The following GULP1 variants were observed in gnomAD, a reference collection of about 807,000 sequenced individuals.
GULP1 encodes PTB domain-containing engulfment adapter protein 1.
GULP1 carries 19 observed loss-of-function variants against 40.9 expected under a neutral mutation model. That is an observed-to-expected ratio of 0.46 (90% confidence interval 0.32 to 0.68). GULP1 has a LOEUF of 0.68. Ranked by LOEUF, GULP1 falls within the 30% of genes least tolerant of loss-of-function variation. GULP1 has a pLI of 0.03. For synonymous variants in GULP1, 119 were observed against 117.6 expected (o/e 1.01, Z -0.08); for missense variants, 312 against 362.2 (o/e 0.86, Z 1.12).
intron 2 of GULP1, among the ~76,000 whole-genome samples, chr2:188,399,701 A>C (rs2051868052): frequency 6.7e-6 from 1 of 149,284 alleles, no homozygotes; most frequent in Admixed American, 6.7e-5. Flanking sequence ...AAAAAAAAAA[A>C]AAAAAAAAAA....
At position 188,330,763 on chromosome 2, in the gene GULP1, C is replaced by T. The variant is rs779193253; in HGVS notation, c.-172+38597C>T. On this transcript the variant is annotated intron_variant, in intron 1 of 11. Transcript: ENST00000409830. ...TATAATACTGAACTTCTCTGGGCTT[C>T]GTATTCTTTGTTTGAAAATGAAAAG... 2.0e-4 allele frequency among the ~76,000 whole-genome samples: 31 copies of T among 152,074 alleles called. 1 individual carries two copies. Among genetic ancestry groups the T allele is most frequent in the Non-Finnish European group, 2.9e-5 (2 of 68,018 alleles).
At chr2:188,589,801 G>C in intron 11 of GULP1, 1 of 973,172 alleles carries the variant, frequency 1.0e-6, no homozygotes, top group Middle Eastern at 2.7e-4. Flanking sequence ...AATTTTTAAA[G>C]CTGAAACCTT....
intron 10 of GULP1, 122 bp from the exon 11 acceptor site, chr2:188,587,733 G>C (rs1362956696): frequency 6.3e-6 from 4 of 635,252 alleles, no homozygotes; most frequent in Admixed American, 2.8e-5. Context: ...TACAGTGTAA[G>C]TGTGGGTTAG....
At chr2:188,476,343 G>T (rs1404722481) in intron 2 of GULP1, among the ~76,000 whole-genome samples, 1 of 152,046 alleles carries the variant, frequency 6.6e-6, no homozygotes, top group East Asian at 1.9e-4. Context: ...TTGGTCTCTC[G>T]TGAATTTATC....
At chr2:188,335,918 G>A (rs2042194506) in intron 1 of GULP1, among the ~76,000 whole-genome samples, 1 of 152,146 alleles carries the variant, frequency 6.6e-6, no homozygotes, top group African/African-American at 2.4e-5. Context: ...TTCTGATTTA[G>A]ATTATGTTAC....
intron 2 of GULP1, among the ~76,000 whole-genome samples, chr2:188,393,354 T>C (rs1298365826): frequency 6.6e-6 from 1 of 152,108 alleles, no homozygotes. Context: ...TTATTCTTTC[T>C]GCTTTAAAGT....
At chr2:188,537,656 G>A (rs1689282357) in intron 6 of GULP1, among the ~76,000 whole-genome samples, 1 of 151,814 alleles carries the variant, frequency 6.6e-6, no homozygotes, top group Non-Finnish European at 1.5e-5. Context: ...TTTTTTCACT[G>A]TATCTTTGCA....
At chr2:188,372,394 T>C (rs1227990207) in intron 1 of GULP1, among the ~76,000 whole-genome samples, 2 of 152,112 alleles carry the variant, frequency 1.3e-5, no homozygotes, top group Non-Finnish European at 2.9e-5. Context: ...CTGTTTCTTA[T>C]GGTGAAATGT....
intron 2 of GULP1, among the ~76,000 whole-genome samples, chr2:188,394,540 T>A (rs1258704303): frequency 1.3e-5 from 2 of 152,208 alleles, no homozygotes; most frequent in Non-Finnish European, 2.9e-5. Flanking sequence ...AAATTTCATC[T>A]TGGTTTGGAC....
chr2:188,335,346 T>G (rs2042125407), intron 1 of GULP1, among the ~76,000 whole-genome samples: 1 of 152,190 alleles, frequency 6.6e-6, no homozygotes. Flanking sequence ...TTGTTGTATA[T>G]GCCATGCTTA....
chr2:188,446,817 C>G (rs2152896770), intron 2 of GULP1, among the ~76,000 whole-genome samples: 1 of 149,954 alleles, frequency 6.7e-6, no homozygotes, highest in East Asian at 2.0e-4. Context: ...AGACATTTGA[C>G]ATATTTTGGA....
chr2:188,517,459 AT>A (rs1195716901), intron 4 of GULP1, among the ~76,000 whole-genome samples: 2 of 151,626 alleles, frequency 1.3e-5, no homozygotes, highest in African/African-American at 4.8e-5. Flanking sequence ...ATTAGCCATC[AT>A]TTTTTTTATT....
intron 4 of GULP1, among the ~76,000 whole-genome samples, chr2:188,513,882 G>A (rs1234586106): frequency 6.6e-6 from 1 of 151,928 alleles, no homozygotes; most frequent in African/African-American, 2.4e-5. Flanking sequence ...TAAGGTTGAT[G>A]AGAAAAAAAA....
intron 2 of GULP1, among the ~76,000 whole-genome samples, chr2:188,399,705 A>AC (rs1383297519): frequency 6.7e-6 from 1 of 150,074 alleles, no homozygotes; most frequent in South Asian, 2.1e-4. Context: ...AAAAAAAAAA[A>AC]AAAAAAAAAC....
intron 1 of GULP1, among the ~76,000 whole-genome samples, chr2:188,347,646 C>T (rs13401975): frequency 0.025 from 3,435 of 136,370 alleles, 139 homozygotes; most frequent in African/African-American, 0.089. Context: ...CAGGGTCTTG[C>T]TCTGTCACCC....
chr2:188,413,527 A>T (rs528912523), intron 2 of GULP1, among the ~76,000 whole-genome samples: 2 of 152,124 alleles, frequency 1.3e-5, no homozygotes, highest in South Asian at 4.1e-4. Flanking sequence ...CCACTTTTTG[A>T]TGGGGTTGTT....
intron 1 of GULP1, among the ~76,000 whole-genome samples, chr2:188,297,942 C>T (rs966629990): frequency 1.3e-5 from 2 of 151,912 alleles, no homozygotes; most frequent in South Asian, 4.2e-4. Flanking sequence ...CCATTTATAA[C>T]CATCAAGAGA....
chr2:188,440,222 G>A (rs111616539), intron 2 of GULP1, among the ~76,000 whole-genome samples: 5 of 152,208 alleles, frequency 3.3e-5, no homozygotes, highest in Non-Finnish European at 7.3e-5. Flanking sequence ...AGCTGTAGCA[G>A]TCATTTTGCA....
chr2:188,588,171 G>A (rs1464327778), intron 11 of GULP1: 4 of 542,092 alleles, frequency 7.4e-6, no homozygotes, highest in Non-Finnish European at 1.4e-5. Flanking sequence ...AATTTATAAT[G>A]TCAATAAGAT....
Sources: gnomAD v4.1 joint callset for allele counts (sites outside exome capture counted in the v4.1 genomes callset) on GRCh38, gnomAD v4.1.1 for gene constraint, MANE v1.5 for transcripts, NCBI Gene and HGNC (gene_info 2026-07-23, HGNC 2026-07-21) for gene names.